GAS7: variants seen among roughly 807,000 people sequenced by gnomAD.
The protein encoded by GAS7 is growth arrest-specific protein 7.
A neutral mutation model predicts 71.1 loss-of-function variants in GAS7; 28 were observed. That is an observed-to-expected ratio of 0.39 (90% CI 0.29 to 0.54). The LOEUF is 0.54. Among genes scored for constraint, GAS7 ranks in the 20% least tolerant of loss-of-function variants. The probability of loss-of-function intolerance (pLI) is 0.62; values close to 1 mark genes in which losing one functional copy is unlikely to be tolerated. For synonymous variants in GAS7, 258 were observed against 245.8 expected (o/e 1.05, Z -0.46); for missense variants, 436 against 627.8 (o/e 0.69, Z 3.27).
At chr17:10,187,392 A>G (rs1448150542) in intron 1 of GAS7, among the ~76,000 whole-genome samples, 1 of 152,106 alleles carries the variant, frequency 6.6e-6, no homozygotes, top group African/African-American at 2.4e-5. Context: ...CACCCCCACA[A>G]TGCTACCTTT....
In GAS7 at chr17:9,919,748, C is replaced by T; in HGVS notation, c.1139-43G>A. 2 of 1,396,524 alleles carry T rather than the reference C, an allele frequency of 1.4e-6. No individual in the cohort carries two copies. The highest frequency in any genetic ancestry group is 2.0e-6 in the Non-Finnish European group (2 of 982,120). The allele number at this position is 1,396,524 out of a possible 1,614,324, so 86.5% of individuals were successfully genotyped here. A position where few individuals can be genotyped will look rare whatever the true frequency, so the allele number is the denominator to read the frequency against. On this transcript the variant is annotated intron_variant, in intron 11 of 13. Coordinates refer to ENST00000432992, the MANE Select transcript of GAS7 (RefSeq NM_201433.2). This position sits in a 1 kb window ranked among gnomAD's most constrained non-coding sequence, Gnocchi z 5.0. ...TCACCATCATGAAGCATCCTATCCT[C>T]ACCATGACTCTGTGCCCCACCCTGA...
At chr17:9,954,089 G>T (rs938065657) in intron 5 of GAS7, among the ~76,000 whole-genome samples, 4 of 152,236 alleles carry the variant, frequency 2.6e-5, no homozygotes, top group African/African-American at 9.7e-5. Context: ...GCAGACAGAG[G>T]GGTGGGAAGG....
intron 1 of GAS7, among the ~76,000 whole-genome samples, chr17:10,185,084 C>A (rs1265331966): frequency 6.6e-6 from 1 of 152,136 alleles, no homozygotes; most frequent in Non-Finnish European, 1.5e-5. Flanking sequence ...TGCCACCACA[C>A]CAGGCTCATT....
intron 1 of GAS7, among the ~76,000 whole-genome samples, chr17:10,045,062 T>G (rs866971582): frequency 0.012 from 1,599 of 129,466 alleles, 26 homozygotes; most frequent in African/African-American, 0.043. Context: ...AAAAAAAAAG[T>G]GTCCAAGTGA....
intron 5 of GAS7, among the ~76,000 whole-genome samples, chr17:9,957,712 C>A (rs565537107): frequency 6.6e-6 from 1 of 151,970 alleles, no homozygotes; most frequent in South Asian, 2.1e-4. Flanking sequence ...TGCACCTGAG[C>A]CTGCCCACAC....
intron 1 of GAS7, among the ~76,000 whole-genome samples, chr17:10,064,801 G>C (rs75421484): frequency 1.0e-3 from 158 of 152,206 alleles, no homozygotes; most frequent in African/African-American, 3.7e-3. Context: ...TGAACTTCCT[G>C]GGACTGTTCC....
chr17:10,168,283 A>G (rs999242431), intron 1 of GAS7, among the ~76,000 whole-genome samples: 10 of 152,224 alleles, frequency 6.6e-5, no homozygotes, highest in African/African-American at 2.4e-5. Context: ...TTATCAAGTG[A>G]GAAAAAAAAG....
chr17:9,928,237 C>T (rs1180524169), intron 9 of GAS7, among the ~76,000 whole-genome samples: 2 of 151,698 alleles, frequency 1.3e-5, no homozygotes, highest in South Asian at 4.2e-4. Flanking sequence ...CTCAGCCTCC[C>T]GAGTAGCTGG....
At chr17:10,036,690 T>C in intron 1 of GAS7, 1 of 1,297,178 alleles carries the variant, frequency 7.7e-7, no homozygotes, top group Non-Finnish European at 9.8e-7. Flanking sequence ...CCAAATCCGC[T>C]CCAGTGCTTG....
rs148553337 is a variant in GAS7 at position 10,188,671 on chromosome 17, C to T, written c.183+9537G>A. On this transcript the variant is annotated intron_variant, in intron 1 of 13. Coordinates refer to ENST00000432992, the MANE Select transcript of GAS7 (RefSeq NM_201433.2). ...ATTTGTTTTAAGAGACAGAGTCTCA[C>T]GCTTTCACTCAGGCTAGAGTGCAGT... is the stretch of plus-strand genomic sequence containing the variant. Among the ~76,000 whole-genome samples the T allele has an allele frequency of 6.2e-3, 951 of 152,236 alleles. 8 individuals carry two copies. Among genetic ancestry groups the T allele is most frequent in the African/African-American group, 0.022 (907 of 41,514 alleles).
intron 1 of GAS7, among the ~76,000 whole-genome samples, chr17:10,110,239 T>A (rs905164868): frequency 1.2e-4 from 18 of 152,120 alleles, no homozygotes; most frequent in African/African-American, 3.9e-4. Flanking sequence ...AATCATGTCA[T>A]TAGCAGCAAC....
chr17:9,961,431 T>C (rs986846073), intron 4 of GAS7, among the ~76,000 whole-genome samples: 1 of 151,850 alleles, frequency 6.6e-6, no homozygotes, highest in Non-Finnish European at 1.5e-5. Flanking sequence ...GGGGAAAGAG[T>C]AGCCTATGGG....
Position 9,912,256 on chromosome 17 carries a change from T to C in GAS7, c.*4972A>G, listed in dbSNP as rs919531811. 1 of 232,816 alleles carries C rather than the reference T, an allele frequency of 4.3e-6. No homozygotes were observed. Among genetic ancestry groups the C allele is most frequent in the Non-Finnish European group, 8.5e-6 (1 of 117,872 alleles). The allele number at this position is 232,816 out of a possible 1,614,324, so 14.4% of individuals were successfully genotyped here. On this transcript the variant is annotated 3_prime_UTR_variant, in exon 14 of 14. Coordinates refer to ENST00000432992, the MANE Select transcript of GAS7 (RefSeq NM_201433.2). Reference sequence around the variant, plus strand: ...CTCACCAGGACTTGAGGCAATTCTATGCACGATTGTGCAGATGAGAGCCAG... The same window carrying C: ...CTCACCAGGACTTGAGGCAATTCTACGCACGATTGTGCAGATGAGAGCCAG...
chr17:9,939,036 C>A (rs1261932489), intron 8 of GAS7, among the ~76,000 whole-genome samples: 5 of 152,296 alleles, frequency 3.3e-5, no homozygotes, highest in Admixed American at 6.5e-5. Flanking sequence ...TTTATCCAGT[C>A]ATCCCTGGGT....
In GAS7 at chr17:9,916,873, G is replaced by A; in HGVS notation, c.*355C>T. On this transcript the variant is annotated 3_prime_UTR_variant, in exon 14 of 14. Coordinates refer to ENST00000432992, the MANE Select transcript of GAS7 (RefSeq NM_201433.2). The stretch of plus-strand genomic sequence containing the variant: ...GCCCTGGAGACAAGGGAGCCAGCTG[G>A]AGGAAGAGCCTTGGGGCTTCCAGGG... 2.2e-6 allele frequency: 1 copy of A among 449,742 alleles called. No individual in the cohort carries two copies. Among genetic ancestry groups the A allele is most frequent in the East Asian group, 3.1e-5 (1 of 31,756 alleles). 27.9% of individuals were successfully genotyped at this position (449,742 alleles called of 1,614,324 possible).
rs368404570 is a variant in GAS7 at position 10,174,141 on chromosome 17, C to A, written c.183+24067G>T. Among the ~76,000 whole-genome samples, 13 of 152,296 alleles carry A rather than the reference C, an allele frequency of 8.5e-5. 2 individuals carry two copies. The highest frequency in any genetic ancestry group is 5.9e-4 in the Admixed American group (9 of 15,290). Reference sequence around the variant, plus strand: ...GGAATCCCTGGCCTCATTAAGCAAACCCTCTGGAGGGTGACAACGTTCAAA... The same window carrying A: ...GGAATCCCTGGCCTCATTAAGCAAAACCTCTGGAGGGTGACAACGTTCAAA... On this transcript the variant is annotated intron_variant, in intron 1 of 13. Coordinates refer to ENST00000432992, the MANE Select transcript of GAS7 (RefSeq NM_201433.2).
At chr17:10,163,052 A>C (rs1224981474) in intron 1 of GAS7, among the ~76,000 whole-genome samples, 2 of 152,220 alleles carry the variant, frequency 1.3e-5, no homozygotes, top group Admixed American at 1.3e-4. Flanking sequence ...CAACAAAAAA[A>C]TATTTTAGAA....
At chr17:10,102,671 T>C (rs967660582) in intron 1 of GAS7, among the ~76,000 whole-genome samples, 1 of 151,860 alleles carries the variant, frequency 6.6e-6, no homozygotes, top group Non-Finnish European at 1.5e-5. Context: ...CCAGAGGAGA[T>C]TTTTTAAAGT....
intron 2 of GAS7, among the ~76,000 whole-genome samples, chr17:9,999,142 G>A (rs1451125871): frequency 1.3e-5 from 2 of 152,092 alleles, no homozygotes; most frequent in Admixed American, 6.6e-5. Context: ...TGAGAAACTC[G>A]GCCTTTATTA....
Sources: allele counts gnomAD v4.1 joint callset (sites outside exome capture counted in the v4.1 genomes callset), GRCh38; gene constraint gnomAD v4.1.1; non-coding constraint Gnocchi (gnomAD v3.1); transcripts MANE v1.5; gene names NCBI Gene and HGNC (gene_info 2026-07-23, HGNC 2026-07-21).